Variants in VPS13B observed in about 807,000 individuals in gnomAD.
VPS13B encodes vacuolar protein sorting 13 homolog B.
In VPS13B, 285 loss-of-function variants were observed where a neutral mutation model predicts 426.4. The observed-to-expected ratio is 0.67, with a 90% CI of 0.61 to 0.74. The LOEUF (loss-of-function observed/expected upper bound fraction) is 0.74. Among genes scored for constraint, VPS13B ranks in the 30% least tolerant of loss-of-function variants. The pLI, the probability that VPS13B is intolerant of heterozygous loss-of-function variation, is 0.00. For missense variants in VPS13B, 4,537 were observed against 4,782.6 expected (o/e 0.95, Z 1.51); for synonymous variants, 1,676 against 1,676.4 (o/e 1.00, Z 0.01).
intron 33 of VPS13B, among the ~76,000 whole-genome samples, chr8:99,596,575 T>C (rs1358601269): frequency 6.6e-6 from 1 of 151,890 alleles, no homozygotes; most frequent in African/African-American, 2.4e-5. Flanking sequence ...TGGCTTACCA[T>C]GTCTGTGTTA....
At chr8:99,790,179 A>C (rs1361819285) in intron 43 of VPS13B, among the ~76,000 whole-genome samples, 2 of 152,094 alleles carry the variant, frequency 1.3e-5, no homozygotes, top group Non-Finnish European at 2.9e-5. Flanking sequence ...CCCTGTTTTA[A>C]CTCTGATTTA....
chr8:99,829,715 T>G (rs191673041), intron 51 of VPS13B, among the ~76,000 whole-genome samples: 163 of 152,362 alleles, frequency 1.1e-3, no homozygotes, highest in African/African-American at 3.6e-3. Flanking sequence ...GTGCTGGTTT[T>G]TCCTCATCTT....
intron 23 of VPS13B, among the ~76,000 whole-genome samples, chr8:99,452,533 AT>A (rs1301438485): frequency 6.6e-6 from 1 of 152,178 alleles, no homozygotes; most frequent in African/African-American, 2.4e-5. Flanking sequence ...TTTTCAAGTT[AT>A]TCATGGTAAA....
intron 44 of VPS13B, 94 bp downstream of exon 44, chr8:99,809,624 T>C: frequency 7.0e-7 from 1 of 1,436,826 alleles, no homozygotes; most frequent in Non-Finnish European, 9.7e-7. Context: ...ATCACAGTGG[T>C]TATGCCTAGT....
intron 24 of VPS13B, 142 bp downstream of exon 24, chr8:99,467,776 T>G: frequency 2.3e-6 from 2 of 870,242 alleles, no homozygotes; most frequent in East Asian, 2.6e-5. Flanking sequence ...GTGGTTAGAT[T>G]AAGAATTGCT....
intron 15 of VPS13B, among the ~76,000 whole-genome samples, chr8:99,157,262 A>ATG (rs199631907): frequency 4.0e-5 from 6 of 148,564 alleles, no homozygotes; most frequent in African/African-American, 7.5e-5. Context: ...GTGTGTGTGT[A>ATG]TGTGTGTGTG....
chr8:99,224,372 C>G (rs936074856), intron 17 of VPS13B, among the ~76,000 whole-genome samples: 4 of 151,924 alleles, frequency 2.6e-5, no homozygotes, highest in African/African-American at 7.3e-5. Flanking sequence ...TGTCATTTAC[C>G]TCATATTTTC....
intron 16 of VPS13B, among the ~76,000 whole-genome samples, chr8:99,179,234 T>C (rs912214162): frequency 1.3e-5 from 2 of 152,200 alleles, no homozygotes; most frequent in African/African-American, 2.4e-5. Flanking sequence ...TAGACAGGTG[T>C]TCTTAAATAC....
Position 99,353,611 on chromosome 8 carries a change from A to G in VPS13B, c.2825-30597A>G, listed in dbSNP as rs558012861. Among the ~76,000 whole-genome samples, 13 of 152,108 alleles carry G rather than the reference A, an allele frequency of 8.5e-5. No homozygotes were observed. In the South Asian group the frequency reaches 2.5e-3, roughly 29 times the overall value. On this transcript the variant is annotated intron_variant, in intron 19 of 61. Transcript: ENST00000357162. ...GCAGACAGACTTCTTTCAAAAAAAA[A>G]AAAAAAACAACAGAATACCCAGCAC...
At chr8:99,179,247 T>C (rs1812812615) in intron 16 of VPS13B, among the ~76,000 whole-genome samples, 1 of 152,198 alleles carries the variant, frequency 6.6e-6, no homozygotes, top group South Asian at 2.1e-4. Context: ...TTAAATACTG[T>C]CTAACTCATA....
intron 21 of VPS13B, among the ~76,000 whole-genome samples, chr8:99,413,538 G>T (rs544075773): frequency 2.6e-5 from 4 of 151,712 alleles, no homozygotes; most frequent in South Asian, 2.1e-4. Flanking sequence ...ATTTATTTTC[G>T]ATCTTTTCTG....
chr8:99,236,651 G>T (rs79896513), intron 17 of VPS13B, among the ~76,000 whole-genome samples: 1 of 152,288 alleles, frequency 6.6e-6, no homozygotes, highest in African/African-American at 2.4e-5. Flanking sequence ...GATGTTTCCT[G>T]AAGGACAGAA....
At chr8:99,445,989 G>A (rs1277224563) in intron 23 of VPS13B, among the ~76,000 whole-genome samples, 1 of 152,210 alleles carries the variant, frequency 6.6e-6, no homozygotes, top group African/African-American at 2.4e-5. Context: ...GACAGCCATA[G>A]ACAATATGTC....
chr8:99,795,092 T>G (rs1368976036), intron 43 of VPS13B, among the ~76,000 whole-genome samples: 1 of 152,206 alleles, frequency 6.6e-6, no homozygotes, highest in Non-Finnish European at 1.5e-5. Flanking sequence ...TCCTGGCTCC[T>G]TTTTATCTGA....
chr8:99,614,900 C>A (rs1195967828), intron 33 of VPS13B, among the ~76,000 whole-genome samples: 1 of 151,724 alleles, frequency 6.6e-6, no homozygotes, highest in East Asian at 2.0e-4. Flanking sequence ...GGTGGGTCAC[C>A]TGAGGTTGGG....
rs778639873 is a variant in VPS13B at position 99,252,176 on chromosome 8, GACTT to G, written c.2516-22017_2516-22014del. Among the ~76,000 whole-genome samples the G allele has an allele frequency of 3.3e-5, 5 of 151,988 alleles. No homozygotes were observed. The South Asian group carries it at 1.0e-3, about 32-fold the overall frequency. On this transcript the variant is annotated intron_variant, in intron 17 of 61. Coordinates refer to ENST00000357162, the MANE Select transcript of VPS13B (RefSeq NM_152564.5). ...GGTGAGAGCTAGATTATGGAATTAA[GACTT>G]ACTTGTACTGTGCACATTCGGTGCT...
At chr8:99,370,577 T>C (rs2133259703) in intron 19 of VPS13B, among the ~76,000 whole-genome samples, 1 of 151,794 alleles carries the variant, frequency 6.6e-6, no homozygotes, top group East Asian at 1.9e-4. Flanking sequence ...ATAAAATCTG[T>C]AGATGTCTAC....
intron 35 of VPS13B, among the ~76,000 whole-genome samples, chr8:99,689,701 T>C (rs1002266547): frequency 6.6e-6 from 1 of 152,122 alleles, no homozygotes; most frequent in African/African-American, 2.4e-5. Flanking sequence ...TTATAAATAG[T>C]TTTTTTCTGT....
At position 99,399,288 on chromosome 8, in the gene VPS13B, AG is replaced by A. The variant is rs529319418; in HGVS notation, c.3082+7585del. Among the ~76,000 whole-genome samples the A allele has an allele frequency of 1.9e-3, 297 of 152,318 alleles. 2 individuals carry two copies. Among genetic ancestry groups the A allele is most frequent in the African/African-American group, 6.4e-3 (267 of 41,582 alleles). Reference sequence around the variant, plus strand: ...TCTAAATCAAAATTCAAGGGAAAAAAGTATTAGTCTGCAGAGCTTAAAATGA... The same window carrying A: ...TCTAAATCAAAATTCAAGGGAAAAAATATTAGTCTGCAGAGCTTAAAATGA... On this transcript the variant is annotated intron_variant, in intron 21 of 61. Coordinates refer to ENST00000357162, the MANE Select transcript of VPS13B (RefSeq NM_152564.5).
Sources: gnomAD v4.1 joint callset for allele counts (sites outside exome capture counted in the v4.1 genomes callset) on GRCh38, gnomAD v4.1.1 for gene constraint, MANE v1.5 for transcripts, NCBI Gene and HGNC (gene_info 2026-07-23, HGNC 2026-07-21) for gene names.